The following PHACTR1 variants were observed in gnomAD, a reference collection of about 807,000 sequenced individuals.
The protein encoded by PHACTR1 is RPEL repeat containing 1.
In PHACTR1, 16 loss-of-function variants were observed where a neutral mutation model predicts 69.2. The ratio of observed to expected loss-of-function variants is 0.23; its 90% CI spans 0.16 to 0.35. The LOEUF is 0.35. Ranked by LOEUF, PHACTR1 falls within the 10% of genes least tolerant of loss-of-function variation. The pLI is 1.00. For synonymous variants in PHACTR1, 312 were observed against 284.5 expected (o/e 1.10, Z -0.97); for missense variants, 510 against 734.7 (o/e 0.69, Z 3.54).
intron 5 of PHACTR1, among the ~76,000 whole-genome samples, chr6:13,134,953 C>G (rs1821317418): frequency 6.6e-6 from 1 of 152,168 alleles, no homozygotes; most frequent in African/African-American, 2.4e-5. Context: ...CTCGCTATTT[C>G]CAGAGTCAGG....
At chr6:13,261,174 C>T (rs1490260385) in intron 10 of PHACTR1, among the ~76,000 whole-genome samples, 2 of 152,200 alleles carry the variant, frequency 1.3e-5, no homozygotes, top group Non-Finnish European at 2.9e-5. Flanking sequence ...GAGCCTGGAC[C>T]ACCCTTTCGA....
intron 11 of PHACTR1, chr6:13,277,943 G>A (rs1165261290): frequency 9.7e-5 from 18 of 186,454 alleles, no homozygotes; most frequent in South Asian, 8.1e-4. Flanking sequence ...GAACGAGACC[G>A]TGTCAAAAAA....
intron 5 of PHACTR1, among the ~76,000 whole-genome samples, chr6:13,114,288 C>T (rs1185494331): frequency 6.6e-6 from 1 of 152,172 alleles, no homozygotes; most frequent in Non-Finnish European, 1.5e-5. Flanking sequence ...GGAGACCTCT[C>T]AGAGTTTCAG....
At chr6:12,889,568 G>T (rs1032345879) in intron 4 of PHACTR1, among the ~76,000 whole-genome samples, 1 of 152,184 alleles carries the variant, frequency 6.6e-6, no homozygotes, top group African/African-American at 2.4e-5. Flanking sequence ...ATCTACCAAT[G>T]AGCTAACCAG....
chr6:12,776,920 C>A (rs1374650626), intron 4 of PHACTR1, among the ~76,000 whole-genome samples: 1 of 152,110 alleles, frequency 6.6e-6, no homozygotes, highest in East Asian at 1.9e-4. Flanking sequence ...AAAATACCAC[C>A]TTTAATACAA....
intron 4 of PHACTR1, among the ~76,000 whole-genome samples, chr6:12,841,916 C>T (rs1444394774): frequency 6.6e-6 from 1 of 151,884 alleles, no homozygotes; most frequent in Admixed American, 6.6e-5. Flanking sequence ...CTTCTTACAC[C>T]TTTATTTAAA....
At chr6:12,918,232 C>T (rs1214171202) in intron 4 of PHACTR1, among the ~76,000 whole-genome samples, 1 of 151,912 alleles carries the variant, frequency 6.6e-6, no homozygotes, top group African/African-American at 2.4e-5. Flanking sequence ...CTATTTGGCC[C>T]ACTCGCAAAT....
chr6:12,798,672 A>C (rs1011411832), intron 4 of PHACTR1, among the ~76,000 whole-genome samples: 7 of 152,216 alleles, frequency 4.6e-5, no homozygotes, highest in East Asian at 3.9e-4. Flanking sequence ...CTTGTCCTGT[A>C]TGCTTTGGAT....
intron 4 of PHACTR1, among the ~76,000 whole-genome samples, chr6:12,820,275 G>T (rs902361731): frequency 2.6e-5 from 4 of 152,018 alleles, no homozygotes; most frequent in Non-Finnish European, 4.4e-5. Flanking sequence ...CCTGCCTCCA[G>T]GTTCAAGTGA....
chr6:13,182,673 C>A lies in PHACTR1; in HGVS notation c.651C>A (p.Ile217=). 1 of 1,557,836 alleles carries A rather than the reference C, an allele frequency of 6.4e-7. No homozygotes were observed. Among genetic ancestry groups the A allele is most frequent in the Non-Finnish European group, 8.7e-7 (1 of 1,154,414 alleles). The change falls in exon 7 of 15, where the codon ATC becomes ATA. Residue 217 remains isoleucine, a synonymous_variant. Transcript: ENST00000332995. The stretch of plus-strand genomic sequence containing the variant: ...ATGAGGTGCTCCAACCGTCAGACAT[C>A]ATGGATGGGCCAGGTAATGCCCCGG... ...CSYEVLQPSD[I]MDGPDPGAPV...
At position 13,087,341 on chromosome 6, in the gene PHACTR1, G is replaced by T. The variant is rs982324834; in HGVS notation, c.415+33812G>T. Among the ~76,000 whole-genome samples, 11 of 151,322 alleles carry T rather than the reference G, an allele frequency of 7.3e-5. No homozygotes were observed. The South Asian group carries it at 1.5e-3, about 20-fold the overall frequency. On this transcript the variant is annotated intron_variant, in intron 5 of 14. Transcript: ENST00000332995. ...AAAACTACAAATTTTTCTAGAAAAT[G>T]AAATAAAGCTCCTTAATCATTTTAT...
intron 4 of PHACTR1, among the ~76,000 whole-genome samples, chr6:12,752,650 G>T (rs185816453): frequency 2.6e-5 from 4 of 152,254 alleles, no homozygotes; most frequent in Admixed American, 1.3e-4. Flanking sequence ...TCGTCCAGTT[G>T]CCAAATAAAG....
intron 3 of PHACTR1, among the ~76,000 whole-genome samples, chr6:12,723,685 CTA>C (rs1265371391): frequency 2.0e-5 from 3 of 152,004 alleles, no homozygotes; most frequent in South Asian, 2.1e-4. Flanking sequence ...CAGAATCTTG[CTA>C]TGTTTCCCAG....
chr6:12,727,532 C>G (rs926080834), intron 3 of PHACTR1, among the ~76,000 whole-genome samples: 2 of 152,090 alleles, frequency 1.3e-5, no homozygotes, highest in South Asian at 4.2e-4. Context: ...AATGAGAGAA[C>G]GAGAGCCAGA....
At chr6:13,207,323 G>T (rs923555759) in intron 8 of PHACTR1, among the ~76,000 whole-genome samples, 4 of 152,168 alleles carry the variant, frequency 2.6e-5, no homozygotes, top group African/African-American at 9.7e-5. Context: ...AAGAGGGCTG[G>T]GGAAGGTGGG....
At chr6:12,959,013 C>T (rs1190183189) in intron 4 of PHACTR1, among the ~76,000 whole-genome samples, 1 of 151,770 alleles carries the variant, frequency 6.6e-6, no homozygotes, top group Non-Finnish European at 1.5e-5. Context: ...CCTGTCTCTA[C>T]TAAAAATACA....
In PHACTR1 at chr6:12,760,882, G is replaced by A. The variant is rs552098701; in HGVS notation, c.250+11092G>A. On this transcript the variant is annotated intron_variant, in intron 4 of 14. Transcript: ENST00000332995. The stretch of plus-strand genomic sequence containing the variant: ...CGGGAGGCGCAAGATGAAGTGAGCT[G>A]AGATCGTGCTATTGCACTCCAGCAT... Among the ~76,000 whole-genome samples the A allele has an allele frequency of 3.9e-5, 6 of 152,326 alleles. No individual in the cohort carries two copies. In the South Asian group the frequency reaches 1.0e-3, roughly 26 times the overall value.
chr6:13,133,135 G>A (rs887512671), intron 5 of PHACTR1, among the ~76,000 whole-genome samples: 1 of 150,650 alleles, frequency 6.6e-6, no homozygotes, highest in Non-Finnish European at 1.5e-5. Flanking sequence ...TTGCTCCCCC[G>A]TAAGAAATCC....
intron 10 of PHACTR1, among the ~76,000 whole-genome samples, chr6:13,255,287 A>G (rs1169276126): frequency 2.6e-5 from 4 of 152,208 alleles, no homozygotes; most frequent in Non-Finnish European, 5.9e-5. Flanking sequence ...CCCATTCATG[A>G]GAAACTGCTC....
Sources: gnomAD v4.1 joint callset for allele counts (sites outside exome capture counted in the v4.1 genomes callset) on GRCh38, gnomAD v4.1.1 for gene constraint, MANE v1.5 for transcripts, NCBI Gene and HGNC (gene_info 2026-07-23, HGNC 2026-07-21) for gene names.